PGM3: variants seen among roughly 807,000 people sequenced by gnomAD.
The protein encoded by PGM3 is phosphoglucomutase 3, also known as phosphoacetylglucosamine mutase.
PGM3 carries 40 observed loss-of-function variants against 66.2 expected under a neutral mutation model. The ratio of observed to expected loss-of-function variants is 0.60; its 90% CI spans 0.47 to 0.79. PGM3 has a LOEUF of 0.79. Among genes scored for constraint, PGM3 ranks in the 30% least tolerant of loss-of-function variants. PGM3 has a pLI of 0.00. For synonymous variants in PGM3, 191 were observed against 224.2 expected, an observed-to-expected ratio of 0.85 and a Z score of 1.32; for missense variants, 537 against 643.4, an observed-to-expected ratio of 0.83 and a Z score of 1.79.
At position 83,187,621 on chromosome 6, in the gene PGM3, C is replaced by T. The variant is rs1046973746; in HGVS notation, c.390-546G>A. 3.9e-5 allele frequency among the ~76,000 whole-genome samples: 6 copies of T among 152,150 alleles called. No individual in the cohort carries two copies. The East Asian group carries it at 7.7e-4, about 20-fold the overall frequency. ...AAGATTGAGACCATCCTGGCCAACA[C>T]GGTGAAACCACGTCTCTACTAAAAA... On this transcript the variant is annotated intron_variant, in intron 3 of 12. Coordinates refer to ENST00000513973, the MANE Select transcript of PGM3 (RefSeq NM_015599.3).
downstream of PGM3, chr6:83,162,719 C>A: frequency 6.7e-7 from 1 of 1,498,862 alleles, no homozygotes; most frequent in South Asian, 1.4e-5. Context: ...CTTTCTACTA[C>A]ATTATGTGGC....
In PGM3 at chr6:83,167,705, C is replaced by T. The variant is rs1786120020; in HGVS notation, c.*1529G>A. On this transcript the variant is annotated 3_prime_UTR_variant, in exon 13 of 13. Coordinates refer to ENST00000513973, the MANE Select transcript of PGM3 (RefSeq NM_015599.3). ...ACTAATAAATGGCAGTAAAAGGTCT[C>T]AGAAGCACCAAGGGTTTTGATCAGG... is the stretch of plus-strand genomic sequence containing the variant. 7.2e-7 allele frequency: 1 copy of T among 1,397,354 alleles called. No homozygotes were observed. Among genetic ancestry groups the T allele is most frequent in the Non-Finnish European group, 9.3e-7 (1 of 1,078,722 alleles). 86.6% of individuals were successfully genotyped at this position (1,397,354 alleles called of 1,614,324 possible). A position where few individuals can be genotyped will look rare whatever the true frequency, so the allele number is the denominator to read the frequency against.
rs1562417226 is a variant in PGM3 at position 83,175,964 on chromosome 6, T to G, written c.1126A>C (p.Thr376Pro). Residue 376 changes from threonine to proline, a missense_variant and splice_region_variant, in exon 9 of 13, where the codon ACT becomes CCT. By Grantham distance (38) the Thr-to-Pro change is conservative. Coordinates refer to ENST00000513973, the MANE Select transcript of PGM3 (RefSeq NM_015599.3). The part of the protein sequence containing the change: ...GVYFEANGHG[T>P]ALFSTAVEMK... ...CAACTATAATTAAGAGAACTTACAG[T>G]GCCATGCCCATTTGCTTCAAAATAA... 2.5e-6 allele frequency: 4 copies of G among 1,584,010 alleles called. No individual in the cohort carries two copies.
chr6:83,177,968 T>TAG (rs1229627873), intron 8 of PGM3, among the ~76,000 whole-genome samples: 2 of 152,162 alleles, frequency 1.3e-5, no homozygotes, highest in Non-Finnish European at 2.9e-5. Context: ...CTACTTTTCC[T>TAG]TACTATATTT....
chr6:83,185,653 G>GT (rs1281526387), intron 4 of PGM3, among the ~76,000 whole-genome samples: 6 of 152,062 alleles, frequency 3.9e-5, no homozygotes, highest in Admixed American at 3.9e-4. Context: ...CAGCTACTCG[G>GT]GAGGCTGAGG....
the PGM3 span, among the ~76,000 whole-genome samples, chr6:83,150,158 T>A: frequency 6.6e-6 from 1 of 152,144 alleles, no homozygotes; most frequent in South Asian, 2.1e-4. Context: ...GAGGACTGCT[T>A]GAGCCCAGAG....
chr6:83,172,860 A>C (rs967552809), intron 10 of PGM3, among the ~76,000 whole-genome samples: 1 of 152,168 alleles, frequency 6.6e-6, no homozygotes, highest in Non-Finnish European at 1.5e-5. Context: ...TTGCTTATTG[A>C]TTGATAGCAT....
intron 9 of PGM3, among the ~76,000 whole-genome samples, chr6:83,174,781 G>A (rs549538553): frequency 2.6e-5 from 4 of 152,168 alleles, no homozygotes; most frequent in Non-Finnish European, 5.9e-5. Context: ...GTAAGTTCAT[G>A]TTTTCCCTTT....
downstream of PGM3, among the ~76,000 whole-genome samples, chr6:83,160,859 A>G (rs1784079073): frequency 6.6e-6 from 1 of 152,106 alleles, no homozygotes; most frequent in Non-Finnish European, 1.5e-5. Context: ...TTATTTGGAC[A>G]TGCTCCAAAA....
the PGM3 span, among the ~76,000 whole-genome samples, chr6:83,152,620 C>CTT: frequency 4.0e-4 from 53 of 133,860 alleles, no homozygotes; most frequent in Non-Finnish European, 5.2e-4. Flanking sequence ...TTTTCTTTTT[C>CTT]TTTTTTTTTT....
At chr6:83,156,192 A>C, downstream of PGM3, 2 of 1,064,514 alleles carry the variant, frequency 1.9e-6, no homozygotes, top group Non-Finnish European at 2.7e-6. Context: ...GTTGGGGTAA[A>C]ATATATCAAG....
Position 83,168,304 on chromosome 6 carries a change from A to G in PGM3, c.*930T>C. The G allele has an allele frequency of 7.0e-7, 1 of 1,429,486 alleles. No individual in the cohort carries two copies. Among genetic ancestry groups the G allele is most frequent in the Non-Finnish European group, 9.1e-7 (1 of 1,098,232 alleles). The allele number at this position is 1,429,486 out of a possible 1,614,324, so 88.6% of individuals were successfully genotyped here. A position where few individuals can be genotyped will look rare whatever the true frequency, so the allele number is the denominator to read the frequency against. On this transcript the variant is annotated 3_prime_UTR_variant, in exon 13 of 13. Transcript: ENST00000513973. ...GATTGTATTTAATTTAAATATTTGT[A>G]TATAAGAGCAAATGTCTGAATGTGG...
chr6:83,163,859 T>C (rs570081732), downstream of PGM3, among the ~76,000 whole-genome samples: 3 of 152,124 alleles, frequency 2.0e-5, no homozygotes, highest in South Asian at 4.1e-4. Flanking sequence ...TTAAAACATA[T>C]ACCATTAAAA....
chr6:83,172,937 CAG>C (rs1285286816), intron 10 of PGM3, among the ~76,000 whole-genome samples: 7 of 152,196 alleles, frequency 4.6e-5, no homozygotes, highest in African/African-American at 1.7e-4. Flanking sequence ...GGGTGGCTGA[CAG>C]AGTGACACCT....
intron 11 of PGM3, chr6:83,170,685 A>G (rs1786899278): frequency 2.0e-6 from 1 of 503,072 alleles, no homozygotes; most frequent in Admixed American, 3.3e-5. Flanking sequence ...GGCAAAAAAT[A>G]TTTCCACAAA....
chr6:83,183,755 T>C (rs1194241134), intron 4 of PGM3, among the ~76,000 whole-genome samples: 1 of 152,064 alleles, frequency 6.6e-6, no homozygotes, highest in East Asian at 1.9e-4. Flanking sequence ...AGACGGAGTT[T>C]CACCGTATCG....
Position 83,167,948 on chromosome 6 carries a change from G to A in PGM3, c.*1286C>T. 6.2e-7 allele frequency: 1 copy of A among 1,614,160 alleles called. No individual in the cohort carries two copies. Among genetic ancestry groups the A allele is most frequent in the Non-Finnish European group, 8.5e-7 (1 of 1,180,026 alleles). On this transcript the variant is annotated 3_prime_UTR_variant, in exon 13 of 13. Transcript: ENST00000513973. Reference sequence around the variant, plus strand: ...TCACCATCTGCACCGTGCGCAGTATGGAGCAGCTCCTGCCGTTCTTCAATG... The same window carrying A: ...TCACCATCTGCACCGTGCGCAGTATAGAGCAGCTCCTGCCGTTCTTCAATG...
At chr6:83,154,763 T>C in the PGM3 span, among the ~76,000 whole-genome samples, 1 of 152,144 alleles carries the variant, frequency 6.6e-6, no homozygotes, top group Non-Finnish European at 1.5e-5. Flanking sequence ...TGATTGTTTT[T>C]ATAGTTTAGG....
chr6:83,175,916 TAAAG>T, intron 9 of PGM3, 42 bp downstream of exon 9: 2 of 967,480 alleles, frequency 2.1e-6, no homozygotes, highest in Non-Finnish European at 3.4e-6. Context: ...AGTCTCATCA[TAAAG>T]AAAAGTGCCA....
Sources: gnomAD v4.1 joint callset for allele counts (sites outside exome capture counted in the v4.1 genomes callset) on GRCh38, gnomAD v4.1.1 for gene constraint, MANE v1.5 for transcripts, NCBI Gene and HGNC (gene_info 2026-07-23, HGNC 2026-07-21) for gene names.